Variants in IGFL2 observed in about 807,000 individuals in gnomAD.
The protein encoded by IGFL2 is insulin growth factor-like family member 2.
Under a neutral mutation model 13.9 loss-of-function variants are expected in IGFL2, and 7 were observed. The observed-to-expected ratio is 0.51, with a 90% confidence interval of 0.29 to 0.95. IGFL2 has a LOEUF of 0.95. Among genes scored for constraint, IGFL2 ranks in the 40% least tolerant of loss-of-function variants. The pLI, the probability that IGFL2 is intolerant of heterozygous loss-of-function variation, is 0.08. For missense variants in IGFL2, 138 were observed against 147.8 expected (o/e 0.93, Z 0.34); for synonymous variants, 55 against 55.8 (o/e 0.99, Z 0.07).
chr19:46,197,327 G>C, the IGFL2 span: 1 of 175,240 alleles, frequency 5.7e-6, no homozygotes, highest in Non-Finnish European at 1.2e-5. Context: ...GTCCTGGGGG[G>C]CTGCATGCCT....
chr19:46,155,951 G>A (rs1973800192), intron 1 of IGFL2, among the ~76,000 whole-genome samples: 1 of 151,948 alleles, frequency 6.6e-6, no homozygotes, highest in Non-Finnish European at 1.5e-5. Context: ...TATTGTATTG[G>A]CTATCTTGTC....
chr19:46,173,102 C>T, the IGFL2 span, among the ~76,000 whole-genome samples: 1 of 152,186 alleles, frequency 6.6e-6, no homozygotes, highest in Non-Finnish European at 1.5e-5. Context: ...AGTTGCATCA[C>T]ATTAGGTGGA....
chr19:46,110,685 GTT>G, the IGFL2 span, among the ~76,000 whole-genome samples: 1 of 152,080 alleles, frequency 6.6e-6, no homozygotes, highest in African/African-American at 2.4e-5. Context: ...TACTGTAGGT[GTT>G]TGTTTTAAGC....
At chr19:46,160,064 C>T (rs1352229773) in intron 1 of IGFL2, 5 of 306,612 alleles carry the variant, frequency 1.6e-5, no homozygotes, top group Non-Finnish European at 2.5e-5. Flanking sequence ...GCCAATCTTA[C>T]TCAGCTTCCT....
upstream of IGFL2, among the ~76,000 whole-genome samples, chr19:46,141,750 A>G (rs139933580): frequency 2.3e-3 from 349 of 152,154 alleles, 1 homozygote; most frequent in African/African-American, 8.1e-3. Flanking sequence ...CCTCACTGAT[A>G]GAGAATTAAG....
upstream of IGFL2, among the ~76,000 whole-genome samples, chr19:46,138,969 T>G (rs1600860161): frequency 6.6e-6 from 1 of 150,574 alleles, no homozygotes; most frequent in East Asian, 2.0e-4. Flanking sequence ...CAGGCTAGAG[T>G]CCTGTCCCTG....
chr19:46,081,092 A>G, the IGFL2 span, among the ~76,000 whole-genome samples: 1 of 152,176 alleles, frequency 6.6e-6, no homozygotes, highest in Non-Finnish European at 1.5e-5. Context: ...GGCTTCCCAC[A>G]CAACTATCTG....
At chr19:46,149,076 T>G in intron 1 of IGFL2, 1 of 1,527,186 alleles carries the variant, frequency 6.5e-7, no homozygotes, top group South Asian at 1.2e-5. Flanking sequence ...TGAGTTTTGT[T>G]GTGTGTATTC....
the IGFL2 span, chr19:46,120,046 G>C: frequency 2.1e-6 from 1 of 467,746 alleles, no homozygotes; most frequent in East Asian, 4.3e-5. Context: ...TGTCCAGGAA[G>C]AATCAGGTTG....
chr19:46,140,834 C>A (rs1421752247), upstream of IGFL2, among the ~76,000 whole-genome samples: 1 of 152,136 alleles, frequency 6.6e-6, no homozygotes, highest in Non-Finnish European at 1.5e-5. Context: ...CCAGGGGGCC[C>A]AGTCTAAGGG....
chr19:46,125,045 C>T, the IGFL2 span, among the ~76,000 whole-genome samples: 2 of 141,122 alleles, frequency 1.4e-5, no homozygotes, highest in East Asian at 2.2e-4. Context: ...ATGCTTCAGC[C>T]ACTTCCCCAT....
At chr19:46,212,401 G>A in the IGFL2 span, 2 of 152,252 alleles carry the variant, frequency 1.3e-5, no homozygotes, top group South Asian at 2.1e-4. Context: ...GAATAACCCT[G>A]GGGAGAATGG....
the IGFL2 span, chr19:46,211,593 G>A: frequency 3.3e-5 from 5 of 152,186 alleles, no homozygotes; most frequent in African/African-American, 1.2e-4. Context: ...TTCACATTCC[G>A]GGTTTCACAT....
chr19:46,160,404 T>G lies in IGFL2; in HGVS notation c.20-11T>G, dbSNP rs10402899. 4,174 of 1,611,706 alleles carry G rather than the reference T, an allele frequency of 2.6e-3. 100 individuals are homozygous for G. The African/African-American group carries it at 0.049, about 19-fold the overall frequency. ...CAGCCCCATCCTTAACCTCCTTTCT[T>G]TCTCTCCCAGCTCCTGCTTATGTGT... On this transcript the variant is annotated splice_polypyrimidine_tract_variant and intron_variant, in intron 1 of 3. Coordinates refer to ENST00000377693, the MANE Select transcript of IGFL2 (RefSeq NM_001135113.2).
the IGFL2 span, among the ~76,000 whole-genome samples, chr19:46,192,073 T>A: frequency 6.6e-6 from 1 of 152,168 alleles, no homozygotes; most frequent in African/African-American, 2.4e-5. Context: ...TTGGAGTGAT[T>A]CACTGTCCTC....
At chr19:46,124,774 C>A in the IGFL2 span, 1 of 795,090 alleles carries the variant, frequency 1.3e-6, no homozygotes, top group South Asian at 1.4e-5. Context: ...CTGATCATGC[C>A]ACCTGCAGTC....
chr19:46,149,022 C>G, intron 1 of IGFL2: 2 of 1,605,602 alleles, frequency 1.2e-6, no homozygotes, highest in African/African-American at 2.7e-5. Flanking sequence ...GACCGACTAC[C>G]CCAGGAGTGT....
chr19:46,174,786 T>A, the IGFL2 span, among the ~76,000 whole-genome samples: 1 of 152,180 alleles, frequency 6.6e-6, no homozygotes, highest in South Asian at 2.1e-4. Flanking sequence ...CCAGATTAAC[T>A]CTCTAAATTC....
At position 46,160,463 on chromosome 19, in the gene IGFL2, T is replaced by G; in HGVS notation, c.68T>G (p.Val23Gly). ...VCLLLLCPREVIAPAGSEPWL... is the reference protein window; with the variant it reads ...VCLLLLCPREGIAPAGSEPWL... ...CTCCTCCTCTTGTGTCCAAGGGAAG[T>G]CATCGGTGAGTACAAGGATGGGCAA... Residue 23 changes from valine to glycine, a missense_variant, in exon 2 of 4, where the codon GTC (valine) becomes GGC (glycine). Coordinates refer to ENST00000377693, the MANE Select transcript of IGFL2 (RefSeq NM_001135113.2). The G allele has an allele frequency of 6.2e-7, 1 of 1,613,856 alleles. No individual in the cohort carries two copies. Among genetic ancestry groups the G allele is most frequent in the Non-Finnish European group, 8.5e-7 (1 of 1,179,786 alleles).
Sources: allele counts gnomAD v4.1 joint callset (sites outside exome capture counted in the v4.1 genomes callset), GRCh38; gene constraint gnomAD v4.1.1; transcripts MANE v1.5; gene names NCBI Gene and HGNC (gene_info 2026-07-23, HGNC 2026-07-21).